Variants in PLA2G12A observed in about 807,000 individuals in gnomAD.
PLA2G12A encodes group XIIA secretory phospholipase A2.
A neutral mutation model predicts 16.0 loss-of-function variants in PLA2G12A; 11 were observed. That is an observed-to-expected ratio of 0.69 (90% CI 0.43 to 1.13). The LOEUF (loss-of-function observed/expected upper bound fraction) is 1.13, where lower values mean the gene tolerates loss of function less well. PLA2G12A is among the 50% of genes most tolerant of loss of function. The pLI is 0.00. For synonymous variants in PLA2G12A, 77 were observed against 93.8 expected, an observed-to-expected ratio of 0.82 and a Z score of 1.03; for missense variants, 214 against 237.3, an observed-to-expected ratio of 0.90 and a Z score of 0.65.
intron 1 of PLA2G12A, among the ~76,000 whole-genome samples, chr4:109,727,614 A>G (rs772703652): frequency 8.5e-5 from 13 of 152,136 alleles, no homozygotes; most frequent in Non-Finnish European, 1.6e-4. Flanking sequence ...AATTTTGAGA[A>G]GCCTGTAGAA....
At chr4:109,722,701 A>T (rs1185852711) in intron 1 of PLA2G12A, among the ~76,000 whole-genome samples, 1 of 152,216 alleles carries the variant, frequency 6.6e-6, no homozygotes, top group African/African-American at 2.4e-5. Context: ...ACAGACTAAG[A>T]CATTCACCTT....
intron 2 of PLA2G12A, 123 bp downstream of exon 2, chr4:109,718,560 T>C (rs1338338149): frequency 8.5e-6 from 6 of 701,878 alleles, no homozygotes; most frequent in Middle Eastern, 3.9e-4. Flanking sequence ...CTAATAAACC[T>C]GATCACTCTT....
chr4:109,718,993 T>C (rs528352699), intron 1 of PLA2G12A, among the ~76,000 whole-genome samples: 28 of 152,340 alleles, frequency 1.8e-4, no homozygotes, highest in African/African-American at 6.5e-4. Context: ...TACACATATA[T>C]AGCAACTCAT....
In PLA2G12A at chr4:109,710,015, T is replaced by C. The variant is rs1053541843; in HGVS notation, c.*4362A>G. 1 of 152,222 alleles carries C rather than the reference T, an allele frequency of 6.6e-6. No homozygotes were observed. Among genetic ancestry groups the C allele is most frequent in the Admixed American group, 6.5e-5 (1 of 15,280 alleles). 9.4% of individuals were successfully genotyped at this position (152,222 alleles called of 1,614,324 possible). ...CCCTTTACAGTTTTATTAATAATTA[T>C]TATTTTTCGTATACCGGTTGCACTG... On this transcript the variant is annotated 3_prime_UTR_variant, in exon 4 of 4. Coordinates refer to ENST00000243501, the MANE Select transcript of PLA2G12A (RefSeq NM_030821.5).
intron 3 of PLA2G12A, among the ~76,000 whole-genome samples, chr4:109,715,453 ATTTTATTT>A (rs2126166351): frequency 6.8e-6 from 1 of 146,610 alleles, no homozygotes; most frequent in South Asian, 2.2e-4. Context: ...AGGTAGGTTT[ATTTTATTT>A]ATTTATTTAT....
intron 1 of PLA2G12A, among the ~76,000 whole-genome samples, chr4:109,728,985 T>C (rs1322501993): frequency 1.3e-5 from 2 of 151,976 alleles, no homozygotes; most frequent in Admixed American, 6.5e-5. Flanking sequence ...TCAAAAAATA[T>C]TAAAAGAGTA....
rs1387701073 is a variant in PLA2G12A at position 109,714,263 on chromosome 4, G to T, written c.*114C>A. 3.8e-6 allele frequency: 3 copies of T among 784,672 alleles called. No individual in the cohort carries two copies. Among genetic ancestry groups the T allele is most frequent in the African/African-American group, 1.7e-5 (1 of 57,634 alleles). The allele number at this position is 784,672 out of a possible 1,614,324, so 48.6% of individuals were successfully genotyped here. On this transcript the variant is annotated 3_prime_UTR_variant, in exon 4 of 4. Transcript: ENST00000243501. ...ACATCAAGATATAAATTATTTTAAG[G>T]TCTCAAAATAATCCTTTCACAAAAA...
In PLA2G12A at chr4:109,730,009, G is replaced by A. The variant is rs2126169824; in HGVS notation, c.-200C>T. On this transcript the variant is annotated 5_prime_UTR_variant, in exon 1 of 4. Transcript: ENST00000243501. ...CTCGGGCAGGCAGCGCCGTCGCGGG[G>A]ACGCGCCCGCTCACCTGGACCAGCG... is the stretch of plus-strand genomic sequence containing the variant. 1.9e-6 allele frequency: 1 copy of A among 522,010 alleles called. No homozygotes were observed. Among genetic ancestry groups the A allele is most frequent in the Non-Finnish European group, 3.3e-6 (1 of 303,224 alleles). 32.3% of individuals were successfully genotyped at this position (522,010 alleles called of 1,614,324 possible). A position where few individuals can be genotyped will look rare whatever the true frequency, so the allele number is the denominator to read the frequency against.
At chr4:109,726,327 C>A (rs1405863557) in intron 1 of PLA2G12A, among the ~76,000 whole-genome samples, 1 of 152,230 alleles carries the variant, frequency 6.6e-6, no homozygotes, top group Non-Finnish European at 1.5e-5. Flanking sequence ...TTCCCCATAT[C>A]AGTTAATGGT....
intron 1 of PLA2G12A, 106 bp downstream of exon 1, chr4:109,729,496 G>A (rs1351294233): frequency 2.9e-5 from 36 of 1,238,268 alleles, no homozygotes; most frequent in Middle Eastern, 2.8e-4. Flanking sequence ...ACAGCCGAAG[G>A]ACACCGTCAA....
intron 1 of PLA2G12A, among the ~76,000 whole-genome samples, chr4:109,724,944 GC>G (rs1312753764): frequency 6.6e-6 from 1 of 152,036 alleles, no homozygotes; most frequent in Non-Finnish European, 1.5e-5. Flanking sequence ...GGCAAAAGGG[GC>G]ATATGTGTAT....
At chr4:109,727,106 TTTATTA>T (rs562237417) in intron 1 of PLA2G12A, among the ~76,000 whole-genome samples, 3 of 150,684 alleles carry the variant, frequency 2.0e-5, no homozygotes, top group East Asian at 3.9e-4. Context: ...TAACAGCAAT[TTTATTA>T]TTATTATTAT....
intron 1 of PLA2G12A, among the ~76,000 whole-genome samples, chr4:109,726,602 G>A (rs1045911000): frequency 6.6e-6 from 1 of 152,070 alleles, no homozygotes; most frequent in African/African-American, 2.4e-5. Flanking sequence ...CAGCCAGAGG[G>A]ATCCTAGAAA....
rs1730854142 is a variant in PLA2G12A, at chr4:109,717,726, T to C, written c.286-13A>G. ...TACCAATGTTAAGCTGCAAAAGGCATTTGGATGGATTACTGTCAATGAAAT... is the reference window on the plus strand; with the variant it reads ...TACCAATGTTAAGCTGCAAAAGGCACTTGGATGGATTACTGTCAATGAAAT... On this transcript the variant is annotated splice_polypyrimidine_tract_variant and intron_variant, in intron 2 of 3. Coordinates refer to ENST00000243501, the MANE Select transcript of PLA2G12A (RefSeq NM_030821.5). The C allele has an allele frequency of 2.5e-6, 4 of 1,612,040 alleles. No homozygotes were observed. The highest frequency in any genetic ancestry group is 3.3e-5 in the Admixed American group (2 of 59,974).
intron 1 of PLA2G12A, among the ~76,000 whole-genome samples, chr4:109,726,700 C>T (rs1037720638): frequency 5.9e-5 from 9 of 152,016 alleles, no homozygotes; most frequent in African/African-American, 1.9e-4. Flanking sequence ...CAAAGGAAAT[C>T]GAAAAGTTTT....
At chr4:109,720,562 T>G (rs1730904071) in intron 1 of PLA2G12A, among the ~76,000 whole-genome samples, 1 of 95,536 alleles carries the variant, frequency 1.0e-5, no homozygotes, top group Admixed American at 1.7e-4. Context: ...ATGATGAGAC[T>G]CTGTCTGTAT....
chr4:109,723,758 T>A (rs191558401), intron 1 of PLA2G12A, among the ~76,000 whole-genome samples: 1 of 152,112 alleles, frequency 6.6e-6, no homozygotes, highest in Admixed American at 6.5e-5. Context: ...AAGTTGTTAA[T>A]CTGAAAAAAG....
chr4:109,718,618 A>G, intron 2 of PLA2G12A, 65 bp downstream of exon 2: 2 of 1,211,186 alleles, frequency 1.7e-6, no homozygotes, highest in South Asian at 1.3e-5. Context: ...TGATAGTCTT[A>G]TATCACCAAA....
At position 109,729,819 on chromosome 4, in the gene PLA2G12A, G is replaced by T. The variant is rs1301949767; in HGVS notation, c.-10C>A. 1 of 1,546,694 alleles carries T rather than the reference G, an allele frequency of 6.5e-7. No homozygotes were observed. Among genetic ancestry groups the T allele is most frequent in the Non-Finnish European group, 8.7e-7 (1 of 1,145,816 alleles). The stretch of plus-strand genomic sequence containing the variant: ...GCGAGAGCAGGGCCATGCGCGCAGC[G>T]CCGGGCTCTACGGGTCCCCGAGCCG... On this transcript the variant is annotated 5_prime_UTR_variant, in exon 1 of 4. Transcript: ENST00000243501.
Sources: allele counts gnomAD v4.1 joint callset (sites outside exome capture counted in the v4.1 genomes callset), GRCh38; gene constraint gnomAD v4.1.1; transcripts MANE v1.5; gene names NCBI Gene and HGNC (gene_info 2026-07-23, HGNC 2026-07-21).